Variants in KL observed in about 807,000 individuals in gnomAD.
KL encodes alpha-klotho.
In KL, 62 loss-of-function variants were observed where a neutral mutation model predicts 84.2. The observed-to-expected ratio is 0.74, with a 90% confidence interval of 0.60 to 0.91. KL has a LOEUF of 0.91. KL is among the 40% of genes least tolerant of loss of function. KL has a pLI of 0.00. For missense variants in KL, 1,261 were observed against 1,305.7 expected, an observed-to-expected ratio of 0.97 and a Z score of 0.53; for synonymous variants, 528 against 528.0, an observed-to-expected ratio of 1.00 and a Z score of 0.00.
In KL at chr13:33,033,743, CGGA is replaced by C. The variant is rs563525453; in HGVS notation, c.819+16486_819+16488del. On this transcript the variant is annotated intron_variant, in intron 1 of 4. Transcript: ENST00000380099. ...TTCCAGCAACCCACTTTACGAGCAGCGGAGAAGACTGACTACTTCTGGGGGCCT... is the reference window on the plus strand; with the variant it reads ...TTCCAGCAACCCACTTTACGAGCAGCGAAGACTGACTACTTCTGGGGGCCT... Among the ~76,000 whole-genome samples, 34 of 151,970 alleles carry C rather than the reference CGGA, an allele frequency of 2.2e-4. 1 individual carries two copies. In the Middle Eastern group the frequency reaches 0.021, roughly 92 times the overall value.
In KL at chr13:33,035,073, C is replaced by CA. The variant is rs550533036; in HGVS notation, c.819+17819dup. Among the ~76,000 whole-genome samples the CA allele has an allele frequency of 3.9e-5, 6 of 152,296 alleles. No individual in the cohort carries two copies. The South Asian group carries it at 1.2e-3, about 32-fold the overall frequency. On this transcript the variant is annotated intron_variant, in intron 1 of 4. Coordinates refer to ENST00000380099, the MANE Select transcript of KL (RefSeq NM_004795.4). ...TAACACCATGTCGAAACTGCTACCA[C>CA]AAAAAGGCAAATGCGAAAGAAGGGG...
In KL at chr13:33,016,903, C is replaced by T; in HGVS notation, c.463C>T (p.Arg155Ter). The change falls in exon 1 of 5, where the codon CGA becomes TGA. Residue 155 changes from arginine (R) to a stop codon, truncating the protein, a stop_gained. Coordinates refer to ENST00000380099, the MANE Select transcript of KL (RefSeq NM_004795.4). LOFTEE classifies it high-confidence loss of function. ...CTACCGCTTCTCCATCTCGTGGGCGCGAGTGCTCCCCAATGGCAGCGCGGG... is the reference window on the plus strand; with the variant it reads ...CTACCGCTTCTCCATCTCGTGGGCGTGAGTGCTCCCCAATGGCAGCGCGGG... ...THYRFSISWARVLPNGSAGVP... is the reference protein window; with the variant it reads ...THYRFSISWA 6.2e-7 allele frequency: 1 copy of T among 1,612,138 alleles called. No individual in the cohort carries two copies. The highest frequency in any genetic ancestry group is 8.5e-7 in the Non-Finnish European group (1 of 1,179,726).
chr13:33,060,522 C>T lies in KL; in HGVS notation c.1600-157C>T, dbSNP rs570023124. ...TATCAGAAAGTGGAATATTGTCTTC[C>T]TCAGGAGCTGACAATTTATGAAAAA... On this transcript the variant is annotated intron_variant, in intron 3 of 4. Coordinates refer to ENST00000380099, the MANE Select transcript of KL (RefSeq NM_004795.4). Among the ~76,000 whole-genome samples, 3 of 152,280 alleles carry T rather than the reference C, an allele frequency of 2.0e-5. No individual in the cohort carries two copies. In the East Asian group the frequency reaches 5.8e-4, roughly 29 times the overall value.
chr13:33,061,324 G>T lies in KL; in HGVS notation c.2245G>T (p.Ala749Ser), dbSNP rs372720628. Residue 749 changes from alanine (A) to serine (S), a missense_variant, in exon 4 of 5, where the codon GCT (alanine) becomes TCT (serine). Coordinates refer to ENST00000380099, the MANE Select transcript of KL (RefSeq NM_004795.4). ...CPFSQKDKEV[A>S]ERVLEFDIGW... Reference sequence around the variant, plus strand: ...TTTCTCCCAAAAGGACAAAGAGGTGGCTGAGAGAGTTTTGGAATTTGACAT... The same window carrying T: ...TTTCTCCCAAAAGGACAAAGAGGTGTCTGAGAGAGTTTTGGAATTTGACAT... 7.6e-5 allele frequency: 122 copies of T among 1,614,232 alleles called. No individual in the cohort carries two copies. In the African/African-American group the frequency reaches 1.4e-3, roughly 18 times the overall value.
intron 3 of KL, 41 bp from the exon 4 acceptor site, chr13:33,060,638 G>A (rs370221630): frequency 6.2e-7 from 1 of 1,612,986 alleles, no homozygotes; most frequent in African/African-American, 1.3e-5. Flanking sequence ...ACTTCCTCAG[G>A]ACTGCCCAGG....
chr13:33,018,560 C>T (rs1870455395), intron 1 of KL, among the ~76,000 whole-genome samples: 1 of 152,202 alleles, frequency 6.6e-6, no homozygotes, highest in Non-Finnish European at 1.5e-5. Context: ...TGATTTCATA[C>T]TTATGTATGT....
At position 33,060,821 on chromosome 13, in the gene KL, A is replaced by G; in HGVS notation, c.1742A>G (p.Gln581Arg). Residue 581 changes from glutamine to arginine, a missense_variant, in exon 4 of 5, where the codon CAG (glutamine) becomes CGG (arginine). Coordinates refer to ENST00000380099, the MANE Select transcript of KL (RefSeq NM_004795.4). ...GTTGACTTTGCTGCCATCCAGCCCCAGATCGCTTTACTCCAGGAAATGCAC... is the reference window on the plus strand; with the variant it reads ...GTTGACTTTGCTGCCATCCAGCCCCGGATCGCTTTACTCCAGGAAATGCAC... ...YCVDFAAIQP[Q>R]IALLQEMHVT... 2 of 1,614,212 alleles carry G rather than the reference A, an allele frequency of 1.2e-6. No individual in the cohort carries two copies. The highest frequency in any genetic ancestry group is 1.7e-6 in the Non-Finnish European group (2 of 1,180,022).
In KL at chr13:33,052,164, G is replaced by A. The variant is rs147555195; in HGVS notation, c.820-1603G>A. 3.9e-5 allele frequency among the ~76,000 whole-genome samples: 6 copies of A among 152,200 alleles called. No homozygotes were observed. In the East Asian group the frequency reaches 7.7e-4, roughly 20 times the overall value. On this transcript the variant is annotated intron_variant, in intron 1 of 4. Transcript: ENST00000380099. ...GTAGAAATGGGGTCTCACTCTTTGCGCAGGCTAGTTGTGAACTCCTGGTAT... is the reference window on the plus strand; with the variant it reads ...GTAGAAATGGGGTCTCACTCTTTGCACAGGCTAGTTGTGAACTCCTGGTAT...
chr13:33,053,806 C>T lies in KL; in HGVS notation c.859C>T (p.Arg287Cys), dbSNP rs766611991. The T allele has an allele frequency of 7.4e-6, 12 of 1,613,902 alleles. No homozygotes were observed. Among genetic ancestry groups the T allele is most frequent in the African/African-American group, 2.7e-5 (2 of 74,894 alleles). Residue 287 changes from arginine (R) to cysteine (C), a missense_variant, in exon 2 of 5, where the codon CGT (arginine) becomes TGT (cysteine). Arg to Cys is a radical substitution (Grantham distance 180). Coordinates refer to ENST00000380099, the MANE Select transcript of KL (RefSeq NM_004795.4). ...CTGGCATCTCTACAATACTTCTTTC[C>T]GTCCCACTCAGGGAGGTCAGGTGTC... is the stretch of plus-strand genomic sequence containing the variant. ...KVWHLYNTSFRPTQGGQVSIA... is the reference protein window; with the variant it reads ...KVWHLYNTSFCPTQGGQVSIA...
intron 1 of KL, among the ~76,000 whole-genome samples, chr13:33,043,192 C>T (rs946409531): frequency 7.3e-5 from 11 of 151,324 alleles, no homozygotes; most frequent in African/African-American, 2.7e-4. Flanking sequence ...ATGAAATTTC[C>T]GTTGTTTTAC....
chr13:33,052,901 T>C (rs1467872899), intron 1 of KL, among the ~76,000 whole-genome samples: 1 of 152,134 alleles, frequency 6.6e-6, no homozygotes, highest in Non-Finnish European at 1.5e-5. Flanking sequence ...AGAAACTCAC[T>C]TCAAGTAGGG....
At chr13:33,043,210 C>T (rs886349516) in intron 1 of KL, among the ~76,000 whole-genome samples, 5 of 151,436 alleles carry the variant, frequency 3.3e-5, no homozygotes, top group Non-Finnish European at 5.9e-5. Context: ...TACGTCCTTG[C>T]CAGAATTTGT....
rs1269429449 is a variant in KL at position 33,055,255 on chromosome 13, G to A, written c.1539G>A (p.Gln513=). 1 of 1,614,000 alleles carries A rather than the reference G, an allele frequency of 6.2e-7. No homozygotes were observed. Among genetic ancestry groups the A allele is most frequent in the Admixed American group, 1.7e-5 (1 of 60,004 alleles). Residue 513 remains glutamine, a synonymous_variant, in exon 3 of 5, where the codon CAG becomes CAA. Transcript: ENST00000380099. ...GCTTCCCTCCTTTACCTGAAAATCA[G>A]CCCCTAGAAGGGACATTTCCCTGTG... ...KNGFPPLPEN[Q]PLEGTFPCDF...
chr13:33,058,636 G>A (rs1342115657), intron 3 of KL, among the ~76,000 whole-genome samples: 2 of 151,950 alleles, frequency 1.3e-5, no homozygotes, highest in African/African-American at 2.4e-5. Flanking sequence ...CACCATGCCC[G>A]GCCTGTCCTG....
chr13:33,042,842 T>G (rs1490263345), intron 1 of KL, among the ~76,000 whole-genome samples: 1 of 151,820 alleles, frequency 6.6e-6, no homozygotes, highest in African/African-American at 2.4e-5. Context: ...CCACCACACC[T>G]GGCTAAGTTT....
chr13:33,032,120 A>C (rs1022565039), intron 1 of KL, among the ~76,000 whole-genome samples: 1 of 152,150 alleles, frequency 6.6e-6, no homozygotes, highest in African/African-American at 2.4e-5. Context: ...AAATGCCTAG[A>C]CCATCCTCGT....
chr13:33,025,169 T>C (rs1870721632), intron 1 of KL, among the ~76,000 whole-genome samples: 1 of 152,176 alleles, frequency 6.6e-6, no homozygotes, highest in South Asian at 2.1e-4. Context: ...AAGTACTTGC[T>C]TAGGAACCTA....
At chr13:33,046,846 G>A (rs1871549705) in intron 1 of KL, among the ~76,000 whole-genome samples, 1 of 151,340 alleles carries the variant, frequency 6.6e-6, no homozygotes, top group African/African-American at 2.4e-5. Flanking sequence ...TATTCAGTTA[G>A]TTTTTTATAT....
intron 1 of KL, among the ~76,000 whole-genome samples, chr13:33,042,178 C>T (rs1335392212): frequency 6.6e-6 from 1 of 151,830 alleles, no homozygotes; most frequent in Non-Finnish European, 1.5e-5. Context: ...ATTTCTATAC[C>T]TGAATAGCTT....
Sources: gnomAD v4.1 joint callset for allele counts (sites outside exome capture counted in the v4.1 genomes callset) on GRCh38, gnomAD v4.1.1 for gene constraint, MANE v1.5 for transcripts, NCBI Gene and HGNC (gene_info 2026-07-23, HGNC 2026-07-21) for gene names.